MAGI2: variants seen among roughly 807,000 people sequenced by gnomAD.
MAGI2 encodes membrane-associated guanylate kinase, WW and PDZ domain-containing protein 2.
A neutral mutation model predicts 133.3 loss-of-function variants in MAGI2; 35 were observed. That is an observed-to-expected ratio of 0.26 (90% CI 0.20 to 0.35). The LOEUF is 0.35. MAGI2 is among the 10% of genes least tolerant of loss of function. The pLI, the probability that MAGI2 is intolerant of heterozygous loss-of-function variation, is 1.00. For missense variants in MAGI2, 1,636 were observed against 1,863.4 expected (o/e 0.88, Z 2.25); for synonymous variants, 729 against 710.6 (o/e 1.03, Z -0.41).
At chr7:79,244,790 T>C (rs957183752) in intron 1 of MAGI2, among the ~76,000 whole-genome samples, 4 of 151,830 alleles carry the variant, frequency 2.6e-5, no homozygotes, top group African/African-American at 9.7e-5. Context: ...CCAAAAGGAG[T>C]GCTTGTGCCA....
intron 1 of MAGI2, among the ~76,000 whole-genome samples, chr7:79,100,134 T>C (rs1235655337): frequency 6.6e-6 from 1 of 152,180 alleles, no homozygotes; most frequent in African/African-American, 2.4e-5. Flanking sequence ...TAAACCCTTT[T>C]GTTATAAATT....
At chr7:79,290,052 A>G (rs1442373433) in intron 1 of MAGI2, among the ~76,000 whole-genome samples, 2 of 152,076 alleles carry the variant, frequency 1.3e-5, no homozygotes, top group East Asian at 1.9e-4. Flanking sequence ...CAAAATCTAT[A>G]TGCCCAGCCT....
At chr7:79,136,084 A>AGAAAGAAAGAAAGAAAGAAAGAAAGAAG (rs1821506101) in intron 1 of MAGI2, among the ~76,000 whole-genome samples, 2 of 140,972 alleles carry the variant, frequency 1.4e-5, no homozygotes, top group African/African-American at 5.7e-5. Context: ...AAAGAAAGAA[A>AGAAAGAAAGAAAGAAAGAAAGAAAGAAG]GAAAGAAAGA....
intron 2 of MAGI2, among the ~76,000 whole-genome samples, chr7:78,856,572 T>C (rs1223205530): frequency 6.6e-6 from 1 of 152,096 alleles, no homozygotes; most frequent in Non-Finnish European, 1.5e-5. Context: ...AGATGTGTGG[T>C]ATTATTTCCG....
chr7:78,704,532 G>C (rs1383380237), intron 2 of MAGI2, among the ~76,000 whole-genome samples: 1 of 152,046 alleles, frequency 6.6e-6, no homozygotes, highest in East Asian at 1.9e-4. Flanking sequence ...ACTTAAAATG[G>C]AACTGCCATT....
intron 3 of MAGI2, among the ~76,000 whole-genome samples, chr7:78,606,033 G>T (rs1289729873): frequency 6.6e-6 from 1 of 152,288 alleles, no homozygotes; most frequent in Admixed American, 6.5e-5. Flanking sequence ...TGAAGGAGGT[G>T]TTCAGAAAGT....
In MAGI2 at chr7:78,257,602, T is replaced by C. The variant is rs149347436; in HGVS notation, c.1409-1021A>G. 3.3e-5 allele frequency among the ~76,000 whole-genome samples: 5 copies of C among 152,222 alleles called. No individual in the cohort carries two copies. The East Asian group carries it at 9.6e-4, about 29-fold the overall frequency. On this transcript the variant is annotated intron_variant, in intron 9 of 21. Transcript: ENST00000354212. ...GAGAAATATTTTTTCCTGCTTAAAA[T>C]GCAGAAAATCATGGCTGTTTGAGAT...
intron 2 of MAGI2, among the ~76,000 whole-genome samples, chr7:78,761,707 C>T (rs935058049): frequency 7.2e-5 from 11 of 152,068 alleles, no homozygotes; most frequent in African/African-American, 2.7e-4. Context: ...ATCCACTTAC[C>T]TTGGCCTCCC....
chr7:79,248,420 G>A (rs767041868), intron 1 of MAGI2, among the ~76,000 whole-genome samples: 24 of 152,058 alleles, frequency 1.6e-4, no homozygotes, highest in South Asian at 4.2e-4. Flanking sequence ...AATAACAGCC[G>A]GAGATTTCAC....
chr7:78,478,951 C>T (rs1004234472), intron 6 of MAGI2, among the ~76,000 whole-genome samples: 7 of 151,842 alleles, frequency 4.6e-5, no homozygotes, highest in Non-Finnish European at 8.8e-5. Context: ...TTTTTCCTGA[C>T]CCATACCTAG....
chr7:78,794,332 G>A (rs984289190), intron 2 of MAGI2, among the ~76,000 whole-genome samples: 1 of 152,114 alleles, frequency 6.6e-6, no homozygotes, highest in Admixed American at 6.6e-5. Context: ...AACTGAAATG[G>A]GGGAGCAAGA....
intron 1 of MAGI2, among the ~76,000 whole-genome samples, chr7:79,222,799 AT>A (rs1348448095): frequency 7.2e-5 from 11 of 151,924 alleles, no homozygotes; most frequent in African/African-American, 2.7e-4. Flanking sequence ...TCTTACTATT[AT>A]TTTCATGAGA....
At chr7:78,220,689 G>C (rs536010827) in intron 10 of MAGI2, among the ~76,000 whole-genome samples, 4 of 152,106 alleles carry the variant, frequency 2.6e-5, no homozygotes, top group Non-Finnish European at 4.4e-5. Flanking sequence ...TTGACCATGA[G>C]AAAAATAATA....
Position 78,019,387 on chromosome 7 carries a change from C to A in MAGI2, c.4296G>T (p.Gly1432=). Residue 1432 remains glycine (G), a synonymous_variant, in exon 22 of 22, where the codon GGG becomes GGT. Coordinates refer to ENST00000354212, the MANE Select transcript of MAGI2 (RefSeq NM_012301.4). ...APARKAAVAP[G]PWKVPGSDKL... ...TGTCAGAACCCGGCACCTTCCAGGG[C>A]CCCGGCGCGACGGCGGCCTTGCGCG... is the stretch of plus-strand genomic sequence containing the variant. The A allele has an allele frequency of 1.6e-6, 2 of 1,243,366 alleles. No homozygotes were observed. Among genetic ancestry groups the A allele is most frequent in the Middle Eastern group, 3.0e-4 (1 of 3,324 alleles). The allele number at this position is 1,243,366 out of a possible 1,614,324, so 77.0% of individuals were successfully genotyped here.
chr7:78,524,095 T>A (rs1217475749), intron 3 of MAGI2, among the ~76,000 whole-genome samples: 1 of 151,152 alleles, frequency 6.6e-6, no homozygotes. Context: ...TGGCTGAGCC[T>A]CCATCACGTG....
At chr7:78,376,160 G>T (rs918619580) in intron 6 of MAGI2, among the ~76,000 whole-genome samples, 2 of 152,050 alleles carry the variant, frequency 1.3e-5, no homozygotes, top group Non-Finnish European at 2.9e-5. Context: ...ATGTATCAAG[G>T]TTCCAGTTTG....
At chr7:78,250,630 CTT>C (rs1342719468) in intron 10 of MAGI2, among the ~76,000 whole-genome samples, 1 of 151,948 alleles carries the variant, frequency 6.6e-6, no homozygotes. Flanking sequence ...TTATTAAAAA[CTT>C]TATGCTAATT....
rs564860417 is a variant in MAGI2, at chr7:78,757,376, C to T, written c.419-130137G>A. ...CTCTTAAATCATTCTCTTTAACACA[C>T]AAGCATGCTAAAATTTTTCATTTAG... On this transcript the variant is annotated intron_variant, in intron 2 of 21. Transcript: ENST00000354212. 2.6e-5 allele frequency among the ~76,000 whole-genome samples: 4 copies of T among 151,608 alleles called. No individual in the cohort carries two copies. In the South Asian group the frequency reaches 8.4e-4, roughly 32 times the overall value.
chr7:78,282,951 A>G (rs948424411), intron 9 of MAGI2, among the ~76,000 whole-genome samples: 1 of 152,146 alleles, frequency 6.6e-6, no homozygotes, highest in Non-Finnish European at 1.5e-5. Flanking sequence ...GTAAATATCT[A>G]TGGAAATAAT....
Sources: allele counts gnomAD v4.1 joint callset (sites outside exome capture counted in the v4.1 genomes callset), GRCh38; gene constraint gnomAD v4.1.1; transcripts MANE v1.5; gene names NCBI Gene and HGNC (gene_info 2026-07-23, HGNC 2026-07-21).